Variants in PTPRC observed in about 807,000 individuals in gnomAD.
PTPRC encodes protein tyrosine phosphatase receptor type C, also known as receptor-type tyrosine-protein phosphatase C.
PTPRC carries 44 observed loss-of-function variants against 155.9 expected under a neutral mutation model. The ratio of observed to expected loss-of-function variants is 0.28; its 90% CI spans 0.22 to 0.36. PTPRC has a LOEUF of 0.36. Ranked by LOEUF, PTPRC falls within the 10% of genes least tolerant of loss-of-function variation. PTPRC has a pLI of 1.00. For missense variants in PTPRC, 1,401 were observed against 1,564.6 expected (o/e 0.90, Z 1.76); for synonymous variants, 525 against 533.1 (o/e 0.98, Z 0.21).
At chr1:198,702,078 A>G (rs1666486399) in intron 5 of PTPRC, among the ~76,000 whole-genome samples, 1 of 152,152 alleles carries the variant, frequency 6.6e-6, no homozygotes, top group Non-Finnish European at 1.5e-5. Flanking sequence ...CATTTTTTAT[A>G]TTGCCTAAGG....
intron 9 of PTPRC, among the ~76,000 whole-genome samples, chr1:198,707,480 T>C (rs1337460950): frequency 6.6e-6 from 1 of 152,150 alleles, no homozygotes; most frequent in Non-Finnish European, 1.5e-5. Context: ...GGGCAGACTC[T>C]GGGGAAGCAT....
chr1:198,640,223 ATAAT>A (rs751715522), intron 2 of PTPRC, among the ~76,000 whole-genome samples: 2 of 152,048 alleles, frequency 1.3e-5, no homozygotes, highest in South Asian at 2.1e-4. Context: ...AATGTAACTA[ATAAT>A]TAATATTTAA....
chr1:198,750,863 A>G (rs1655349826), intron 29 of PTPRC, among the ~76,000 whole-genome samples: 1 of 151,992 alleles, frequency 6.6e-6, no homozygotes, highest in Non-Finnish European at 1.5e-5. Context: ...CAGATTAGCC[A>G]GGATGCAGCA....
At chr1:198,697,153 G>A (rs1285188659) in intron 4 of PTPRC, among the ~76,000 whole-genome samples, 2 of 152,078 alleles carry the variant, frequency 1.3e-5, no homozygotes, top group Middle Eastern at 3.2e-3. Context: ...AATCAGGAGG[G>A]GAAATTTGTT....
intron 16 of PTPRC, 49 bp downstream of exon 16, chr1:198,728,497 G>A (rs1654246113): frequency 6.3e-7 from 1 of 1,594,012 alleles, no homozygotes; most frequent in African/African-American, 1.3e-5. Flanking sequence ...TAGTAATGGT[G>A]CAAACGCATA....
chr1:198,705,717 G>C (rs977717263), intron 8 of PTPRC, among the ~76,000 whole-genome samples: 14 of 151,996 alleles, frequency 9.2e-5, no homozygotes, highest in Non-Finnish European at 1.9e-4. Flanking sequence ...CACCACGCCT[G>C]GCCCACTTAC....
At chr1:198,658,631 T>C (rs1663741311) in intron 2 of PTPRC, among the ~76,000 whole-genome samples, 1 of 152,152 alleles carries the variant, frequency 6.6e-6, no homozygotes, top group Non-Finnish European at 1.5e-5. Context: ...GCCGGCTCTG[T>C]CCTTTCCTCT....
intron 2 of PTPRC, among the ~76,000 whole-genome samples, chr1:198,668,858 G>A (rs1664480585): frequency 1.3e-5 from 2 of 152,112 alleles, no homozygotes; most frequent in African/African-American, 4.8e-5. Context: ...GAAATTAAGA[G>A]AGCATAAGAA....
intron 23 of PTPRC, among the ~76,000 whole-genome samples, chr1:198,737,272 A>C (rs546191900): frequency 6.6e-6 from 1 of 151,782 alleles, no homozygotes; most frequent in African/African-American, 2.4e-5. Flanking sequence ...GCACAAACCA[A>C]TGCCCTGGAG....
intron 6 of PTPRC, among the ~76,000 whole-genome samples, chr1:198,703,016 A>G (rs527777394): frequency 1.3e-5 from 2 of 152,358 alleles, no homozygotes; most frequent in South Asian, 2.1e-4. Context: ...AAAGCCGTGA[A>G]TGAAAGGGAA....
At chr1:198,720,606 G>A (rs1653841520) in intron 14 of PTPRC, among the ~76,000 whole-genome samples, 1 of 152,154 alleles carries the variant, frequency 6.6e-6, no homozygotes, top group Non-Finnish European at 1.5e-5. Flanking sequence ...TGGGATTACA[G>A]GCGTGAGCTA....
At chr1:198,749,298 T>A (rs968714426) in intron 27 of PTPRC, 118 bp from the exon 28 acceptor site, 15 of 981,244 alleles carry the variant, frequency 1.5e-5, no homozygotes, top group Non-Finnish European at 2.2e-5. Context: ...TTCATGTAGA[T>A]CAGTAAGTTT....
Position 198,694,457 on chromosome 1 carries a change from A to C in PTPRC, c.100+2084A>C, listed in dbSNP as rs149839929. 2.8e-5 allele frequency: 29 copies of C among 1,052,546 alleles called. 1 individual carries two copies. In the African/African-American group the frequency reaches 3.4e-4, roughly 12 times the overall value. 65.2% of individuals were successfully genotyped at this position (1,052,546 alleles called of 1,614,324 possible). On this transcript the variant is annotated intron_variant, in intron 3 of 32. Coordinates refer to ENST00000442510, the MANE Select transcript of PTPRC (RefSeq NM_002838.5). The stretch of plus-strand genomic sequence containing the variant: ...CAATCCAATCAAGTTGACACTCAAT[A>C]TTAACCATCAAATACTATTATAAGG...
intron 2 of PTPRC, among the ~76,000 whole-genome samples, chr1:198,652,654 T>G (rs1306834044): frequency 1.3e-5 from 2 of 151,350 alleles, no homozygotes; most frequent in African/African-American, 4.8e-5. Context: ...ATCAGCATCA[T>G]TGAAATGTGA....
intron 2 of PTPRC, among the ~76,000 whole-genome samples, chr1:198,642,928 C>CTTTCTTTCT (rs1662699098): frequency 6.8e-6 from 1 of 147,208 alleles, no homozygotes; most frequent in Non-Finnish European, 1.5e-5. Flanking sequence ...TTCTTTCTTT[C>CTTTCTTTCT]TTTCTTTCTT....
chr1:198,702,117 T>C (rs1666488036), intron 5 of PTPRC, among the ~76,000 whole-genome samples: 1 of 152,368 alleles, frequency 6.6e-6, no homozygotes, highest in South Asian at 2.1e-4. Flanking sequence ...CTTAGGCTTC[T>C]TGGGCTGTCC....
At chr1:198,653,318 G>A (rs80099993) in intron 2 of PTPRC, among the ~76,000 whole-genome samples, 12,660 of 151,680 alleles carry the variant, frequency 0.083, 697 homozygotes, top group Middle Eastern at 0.12. Context: ...AATAATATGA[G>A]GAATTGTTAT....
intron 11 of PTPRC, 77 bp from the exon 12 acceptor site, chr1:198,712,876 T>C (rs893693325): frequency 2.1e-5 from 29 of 1,397,144 alleles, no homozygotes; most frequent in Non-Finnish European, 2.8e-5. Context: ...TTATCAATAA[T>C]GCATGCTTAT....
At chr1:198,729,289 T>A in intron 17 of PTPRC, 118 bp downstream of exon 17, 1 of 1,239,256 alleles carries the variant, frequency 8.1e-7, no homozygotes, top group Non-Finnish European at 1.1e-6. Context: ...TCTCCCAGGC[T>A]GAAGTGTGGT....
Sources: allele counts gnomAD v4.1 joint callset (sites outside exome capture counted in the v4.1 genomes callset), GRCh38; gene constraint gnomAD v4.1.1; transcripts MANE v1.5; gene names NCBI Gene and HGNC (gene_info 2026-07-23, HGNC 2026-07-21).